Variants in GLI1 observed in about 807,000 individuals in gnomAD.
The protein encoded by GLI1 is transcription activator GLI1.
In GLI1, 51 loss-of-function variants were observed where a neutral mutation model predicts 87.8. The observed-to-expected ratio is 0.58, with a 90% CI of 0.46 to 0.73. The LOEUF (loss-of-function observed/expected upper bound fraction) is 0.73. Ranked by LOEUF, GLI1 falls within the 30% of genes least tolerant of loss-of-function variation. GLI1 has a pLI of 0.00. For synonymous variants in GLI1, 528 were observed against 558.2 expected (o/e 0.95, Z 0.76); for missense variants, 1,292 against 1,437.2 (o/e 0.90, Z 1.63).
rs931764935 is a variant in GLI1, at chr12:57,467,086, C to T, written c.913-247C>T. The stretch of plus-strand genomic sequence containing the variant: ...GCCTAAGATCCCCATGCAGAGAAAT[C>T]TGCCCTGGCTTGGTCAGAAGATGCT... On this transcript the variant is annotated intron_variant, in intron 8 of 11. Coordinates refer to ENST00000228682, the MANE Select transcript of GLI1 (RefSeq NM_005269.3). 2.0e-5 allele frequency among the ~76,000 whole-genome samples: 3 copies of T among 152,148 alleles called. No individual in the cohort carries two copies. The East Asian group carries it at 5.8e-4, about 29-fold the overall frequency.
intron 8 of GLI1, among the ~76,000 whole-genome samples, chr12:57,466,777 G>A (rs566053129): frequency 3.9e-5 from 6 of 152,124 alleles, no homozygotes; most frequent in South Asian, 2.1e-4. Flanking sequence ...GGTGATGGGC[G>A]CCTGTAGTCC....
At chr12:57,466,433 G>C in intron 8 of GLI1, 44 bp downstream of exon 8, 1 of 1,531,324 alleles carries the variant, frequency 6.5e-7, no homozygotes, top group Non-Finnish European at 8.9e-7. Flanking sequence ...TCCTAAATCA[G>C]GGCTCTCCTT....
chr12:57,464,750 G>A lies in GLI1; in HGVS notation c.271G>A (p.Ala91Thr), dbSNP rs748291467. 6.2e-7 allele frequency: 1 copy of A among 1,613,952 alleles called. No individual in the cohort carries two copies. Among genetic ancestry groups the A allele is most frequent in the Non-Finnish European group, 8.5e-7 (1 of 1,179,862 alleles). The change falls in exon 4 of 12, where the codon GCC becomes ACC. Residue 91 changes from alanine (A) to threonine (T), a missense_variant. Coordinates refer to ENST00000228682, the MANE Select transcript of GLI1 (RefSeq NM_005269.3). ...RALSISPLSD[A>T]SLDLQTVIRT... The stretch of plus-strand genomic sequence containing the variant: ...ACTGTCCATCTCACCTCTGTCGGAT[G>A]CCAGCCTGGACCTGCAGACGGTTAT...
chr12:57,469,679 G>C lies in GLI1; in HGVS notation c.1557G>C (p.Leu519=), dbSNP rs113261025. 2.3e-4 allele frequency: 371 copies of C among 1,613,492 alleles called. No homozygotes were observed. The highest frequency in any genetic ancestry group is 3.0e-4 in the Non-Finnish European group (355 of 1,180,018). The change falls in exon 11 of 12, where the codon CTG becomes CTC. Residue 519 remains leucine (L), a synonymous_variant. Coordinates refer to ENST00000228682, the MANE Select transcript of GLI1 (RefSeq NM_005269.3). ...CAATAGGGACCCGGGGTCTCAAACT[G>C]CCCAGCTTGTCCCACACCGGTGAGA... is the stretch of plus-strand genomic sequence containing the variant. ...LRPIGTRGLK[L]PSLSHTGTTV...
At chr12:57,463,971 TC>T (rs1332869303) in intron 2 of GLI1, 27 bp from the exon 3 acceptor site, 8 of 1,530,674 alleles carry the variant, frequency 5.2e-6, no homozygotes, top group Non-Finnish European at 7.2e-6. Flanking sequence ...TATCCTCCAT[TC>T]CCATTCCAGC....
intron 7 of GLI1, 150 bp from the exon 8 acceptor site, chr12:57,466,090 G>A (rs1871461425): frequency 9.5e-7 from 1 of 1,052,722 alleles, no homozygotes; most frequent in East Asian, 2.4e-5. Flanking sequence ...TAGGGAGCTG[G>A]AAGACCTGAG....
rs41292007 is a variant in GLI1, at chr12:57,466,049, A to G, written c.762+124A>G. The G allele has an allele frequency of 7.2e-4, 787 of 1,089,842 alleles. 2 individuals are homozygous for G. The highest frequency in any genetic ancestry group is 7.8e-4 in the Non-Finnish European group (572 of 736,000). 67.5% of individuals were successfully genotyped at this position (1,089,842 alleles called of 1,614,324 possible). On this transcript the variant is annotated intron_variant, in intron 7 of 11. Coordinates refer to ENST00000228682, the MANE Select transcript of GLI1 (RefSeq NM_005269.3). Reference sequence around the variant, plus strand: ...ACTGAGGTTGAATGCTCAGTTGGGTAGGCAGAAGCTCAGAAGTTGTAGCTT... The same window carrying G: ...ACTGAGGTTGAATGCTCAGTTGGGTGGGCAGAAGCTCAGAAGTTGTAGCTT...
intron 9 of GLI1, among the ~76,000 whole-genome samples, chr12:57,467,779 G>T (rs1335755555): frequency 6.6e-6 from 1 of 152,054 alleles, no homozygotes; most frequent in African/African-American, 2.4e-5. Context: ...CACAGCCCTG[G>T]GTTCACCCCC....
chr12:57,466,758 G>T (rs1481793018), intron 8 of GLI1, among the ~76,000 whole-genome samples: 1 of 152,068 alleles, frequency 6.6e-6, no homozygotes, highest in Non-Finnish European at 1.5e-5. Flanking sequence ...ATAAAAATTA[G>T]CTGGGCGTGG....
rs369404558 is a variant in GLI1 at position 57,465,827 on chromosome 12, G to A, written c.664G>A (p.Glu222Lys). ...GATGCTGGATGGGCGGGAGGACCTC[G>A]AGAGAGAGGAGAAGCGTGAGCCTGA... ...LGMLDGREDL[E>K]REEKREPESV... is the part of the protein sequence containing the mutation. Residue 222 changes from glutamate (E) to lysine (K), a missense_variant, in exon 7 of 12, where the codon GAG (glutamate) becomes AAG (lysine). Coordinates refer to ENST00000228682, the MANE Select transcript of GLI1 (RefSeq NM_005269.3). The A allele has an allele frequency of 1.9e-5, 30 of 1,614,022 alleles. No homozygotes were observed. Among genetic ancestry groups the A allele is most frequent in the Non-Finnish European group, 2.5e-5 (30 of 1,179,958 alleles).
At chr12:57,467,533 G>A in intron 9 of GLI1, 36 bp downstream of exon 9, 1 of 1,534,954 alleles carries the variant, frequency 6.5e-7, no homozygotes, top group South Asian at 1.2e-5. Flanking sequence ...CCCCTCTTGA[G>A]AAGCCACCTA....
chr12:57,467,979 C>T lies in GLI1; in HGVS notation c.1078-15C>T, dbSNP rs148206986. The stretch of plus-strand genomic sequence containing the variant: ...TTGATCCGTTTGCCTTCTGTCTCCA[C>T]TCTCCACTCAACAGAAGCCGTATGT... On this transcript the variant is annotated splice_polypyrimidine_tract_variant and intron_variant, in intron 9 of 11. Coordinates refer to ENST00000228682, the MANE Select transcript of GLI1 (RefSeq NM_005269.3). The T allele has an allele frequency of 1.8e-4, 286 of 1,577,398 alleles. 2 individuals are homozygous for T. In the East Asian group the frequency reaches 6.0e-3, roughly 33 times the overall value.
rs563340967 is a variant in GLI1 at position 57,466,297 on chromosome 12, G to A, written c.820G>A (p.Gly274Ser). Reference sequence around the variant, plus strand: ...GAAGGAGTTCGTGTGCCACTGGGGGGGCTGCTCCAGGGAGCTGAGGCCCTT... The same window carrying A: ...GAAGGAGTTCGTGTGCCACTGGGGGAGCTGCTCCAGGGAGCTGAGGCCCTT... ...ERKEFVCHWG[G>S]CSRELRPFKA... Residue 274 changes from glycine (G) to serine (S), a missense_variant, in exon 8 of 12, where the codon GGC becomes AGC. This residue lies in a region of GLI1 where 383 missense variants were observed against 368.4 expected (regional missense o/e 1.04). Transcript: ENST00000228682. 5.6e-6 allele frequency: 9 copies of A among 1,613,852 alleles called. No homozygotes were observed. Among genetic ancestry groups the A allele is most frequent in the South Asian group, 5.5e-5 (5 of 91,072 alleles).
Position 57,464,859 on chromosome 12 carries a change from G to C in GLI1, c.380G>C (p.Gly127Ala), listed in dbSNP as rs751408248. Residue 127 changes from glycine to alanine, a missense_variant, in exon 4 of 12, where the codon GGC (glycine) becomes GCC (alanine). This residue lies in a region of GLI1 where 383 missense variants were observed against 368.4 expected (regional missense o/e 1.04). Transcript: ENST00000228682. Reference sequence around the variant, plus strand: ...GGCTCCTACGGTCATCTCTCCATTGGCACCATGAGGTGCAGTCAGCCCCGG... The same window carrying C: ...GGCTCCTACGGTCATCTCTCCATTGCCACCATGAGGTGCAGTCAGCCCCGG... ...PGGSYGHLSIGTMSPSLGFPA... is the reference protein window; with the variant it reads ...PGGSYGHLSIATMSPSLGFPA... 6.2e-7 allele frequency: 1 copy of C among 1,612,138 alleles called. No homozygotes were observed. The highest frequency in any genetic ancestry group is 8.5e-7 in the Non-Finnish European group (1 of 1,178,318).
chr12:57,470,571 C>T lies in GLI1; in HGVS notation c.1831C>T (p.Arg611Trp), dbSNP rs368078339. Reference sequence around the variant, plus strand: ...GCCCACTGCAGCATCCAGCCTGGATCGGATAGGTGGTCTTCCCATGCCTCC... The same window carrying T: ...GCCCACTGCAGCATCCAGCCTGGATTGGATAGGTGGTCTTCCCATGCCTCC... Reference protein sequence around the residue: ...TSPTAASSLDRIGGLPMPPWR... With the variant: ...TSPTAASSLDWIGGLPMPPWR... The change falls in exon 12 of 12, where the codon CGG (arginine) becomes TGG (tryptophan). Residue 611 changes from arginine to tryptophan, a missense_variant. This residue lies in a region of GLI1 where 897 missense variants were observed against 1,040.7 expected (regional missense o/e 0.86). Coordinates refer to ENST00000228682, the MANE Select transcript of GLI1 (RefSeq NM_005269.3). 18 of 1,613,946 alleles carry T rather than the reference C, an allele frequency of 1.1e-5. No individual in the cohort carries two copies. Among genetic ancestry groups the T allele is most frequent in the East Asian group, 4.5e-5 (2 of 44,884 alleles).
chr12:57,462,273 C>G (rs1016316585), intron 1 of GLI1, among the ~76,000 whole-genome samples: 2 of 151,448 alleles, frequency 1.3e-5, no homozygotes, highest in African/African-American at 4.8e-5. Flanking sequence ...GATGCGGGAT[C>G]CGCACCTCGG....
At chr12:57,461,706 A>G (rs1871147916) in intron 1 of GLI1, among the ~76,000 whole-genome samples, 1 of 150,518 alleles carries the variant, frequency 6.6e-6, no homozygotes, top group Admixed American at 6.6e-5. Context: ...GGGGGAGCGG[A>G]GCCGTCTGCA....
chr12:57,467,487 A>G lies in GLI1; in HGVS notation c.1067A>G (p.His356Arg). 6.2e-7 allele frequency: 1 copy of G among 1,603,576 alleles called. No individual in the cohort carries two copies. Among genetic ancestry groups the G allele is most frequent in the Non-Finnish European group, 8.5e-7 (1 of 1,171,614 alleles). The change falls in exon 9 of 12, where the codon CAT becomes CGT. Residue 356 changes from histidine to arginine, a missense_variant. This residue lies in a region of GLI1 where 897 missense variants were observed against 1,040.7 expected (regional missense o/e 0.86). Coordinates refer to ENST00000228682, the MANE Select transcript of GLI1 (RefSeq NM_005269.3). The stretch of plus-strand genomic sequence containing the variant: ...CGAGCCAAGCACCAGAATCGGACCC[A>G]TTCCAATGAGGTGAATGCCCTAACT... ...SDRAKHQNRT[H>R]SNEKPYVCKL...
In GLI1 at chr12:57,471,070, A is replaced by G; in HGVS notation, c.2330A>G (p.Gln777Arg). 1 of 1,612,556 alleles carries G rather than the reference A, an allele frequency of 6.2e-7. No homozygotes were observed. The highest frequency in any genetic ancestry group is 8.5e-7 in the Non-Finnish European group (1 of 1,179,266). The change falls in exon 12 of 12, where the codon CAA becomes CGA. Residue 777 changes from glutamine to arginine, a missense_variant. Physicochemically the swap from Gln to Arg is conservative, Grantham distance 43 (BLOSUM62 1). Around this residue, in one of 3 missense-constraint regions of GLI1, gnomAD observed 897 missense variants for 1,040.7 expected, o/e 0.86. Transcript: ENST00000228682. The surrounding 1 kb of genome is among the most constrained non-coding windows in gnomAD (Gnocchi z 4.9). ...PQQASYPDPT[Q>R]ETWGEFPSHS... is the part of the protein sequence containing the mutation. ...CAGGCCTCATATCCTGACCCCACCC[A>G]AGAAACATGGGGTGAGTTCCCTTCC...
Sources: allele counts gnomAD v4.1 joint callset (sites outside exome capture counted in the v4.1 genomes callset), GRCh38; gene constraint gnomAD v4.1.1; regional missense constraint gnomAD v4.1.1; non-coding constraint Gnocchi (gnomAD v3.1); transcripts MANE v1.5; gene names NCBI Gene and HGNC (gene_info 2026-07-23, HGNC 2026-07-21).